The following IGFBP7 variants were observed in gnomAD, a reference collection of about 807,000 sequenced individuals.
The protein encoded by IGFBP7 is insulin like growth factor binding protein 7, also known as insulin-like growth factor-binding protein 7.
A neutral mutation model predicts 29.4 loss-of-function variants in IGFBP7; 31 were observed. That is an observed-to-expected ratio of 1.05 (90% CI 0.79 to 1.42). The LOEUF (loss-of-function observed/expected upper bound fraction) is 1.42, where lower values mean the gene tolerates loss of function less well. Among genes scored for constraint, IGFBP7 ranks in the 40% most tolerant of loss-of-function variants. IGFBP7 has a pLI of 0.00. For missense variants in IGFBP7, 393 were observed against 395.5 expected (o/e 0.99, Z 0.05); for synonymous variants, 172 against 174.9 (o/e 0.98, Z 0.13).
chr4:57,032,316 A>G, intron 4 of IGFBP7, 110 bp downstream of exon 4: 1 of 1,499,176 alleles, frequency 6.7e-7, no homozygotes, highest in Non-Finnish European at 8.9e-7. Context: ...ATGGGTTGCT[A>G]ACTACAGAAT....
At chr4:57,088,482 C>A (rs1725551317) in intron 1 of IGFBP7, among the ~76,000 whole-genome samples, 1 of 152,134 alleles carries the variant, frequency 6.6e-6, no homozygotes, top group Admixed American at 6.5e-5. Context: ...CTGCTTCTAC[C>A]CTTCATCCCA....
chr4:57,105,160 A>T (rs1290905204), intron 1 of IGFBP7, among the ~76,000 whole-genome samples: 1 of 152,178 alleles, frequency 6.6e-6, no homozygotes, highest in Non-Finnish European at 1.5e-5. Flanking sequence ...CCCTTTGCTG[A>T]AATCCTCCCA....
In IGFBP7 at chr4:57,054,637, CACAAAAAAAAAA is replaced by C. The variant is rs1427484457; in HGVS notation, c.476-13716_476-13705del. ...CTGGCGACAGAGCGAGGCTCTCTCT[CACAAAAAAAAAA>C]AAAAAAAAAAAAAAAAGAAGAAGAA... is the stretch of plus-strand genomic sequence containing the variant. On this transcript the variant is annotated intron_variant, in intron 1 of 4. Transcript: ENST00000295666. Among the ~76,000 whole-genome samples the C allele has an allele frequency of 1.2e-3, 148 of 125,852 alleles. 2 individuals carry two copies. Among genetic ancestry groups the C allele is most frequent in the African/African-American group, 1.7e-3 (56 of 32,278 alleles). 82.6% of individuals were successfully genotyped at this position (125,852 alleles called of 152,430 possible). A position where few individuals can be genotyped will look rare whatever the true frequency, so the allele number is the denominator to read the frequency against.
At position 57,096,613 on chromosome 4, in the gene IGFBP7, T is replaced by C. The variant is rs771129466; in HGVS notation, c.475+13264A>G. Among the ~76,000 whole-genome samples the C allele has an allele frequency of 5.3e-5, 8 of 152,110 alleles. No individual in the cohort carries two copies. The East Asian group carries it at 7.7e-4, about 15-fold the overall frequency. The stretch of plus-strand genomic sequence containing the variant: ...TTAGAAGGTGATAGAGTGCATAGTA[T>C]ATGGTGAGTCAGTAGTCCCAATGTT... On this transcript the variant is annotated intron_variant, in intron 1 of 4. Coordinates refer to ENST00000295666, the MANE Select transcript of IGFBP7 (RefSeq NM_001553.3).
intron 2 of IGFBP7, among the ~76,000 whole-genome samples, chr4:57,034,342 A>G (rs888260103): frequency 1.1e-4 from 17 of 152,092 alleles, no homozygotes; most frequent in African/African-American, 3.6e-4. Flanking sequence ...GCCTTGTGAT[A>G]ATGGTGAGTT....
chr4:57,061,500 T>C (rs1401520162), intron 1 of IGFBP7, among the ~76,000 whole-genome samples: 1 of 152,166 alleles, frequency 6.6e-6, no homozygotes, highest in African/African-American at 2.4e-5. Context: ...AGCACTGTGA[T>C]ACCATGACAG....
At chr4:57,037,102 G>A (rs6841086) in intron 2 of IGFBP7, among the ~76,000 whole-genome samples, 63,495 of 151,952 alleles carry the variant, frequency 0.42, 13,597 homozygotes, top group East Asian at 0.47. Context: ...CCTTAACATA[G>A]GTTCTGTTCT....
Position 57,109,908 on chromosome 4 carries a change from G to A in IGFBP7, c.444C>T (p.Ile148=). The change falls in exon 1 of 5, where the codon ATC becomes ATT. Residue 148 remains isoleucine, a synonymous_variant. Transcript: ENST00000295666. ...CGCAGGTGCCCTTGCTGACCTGGGT[G>A]ATGGCCTTCTCCCCGCGGCTCTCGG... ...QRAESRGEKA[I]TQVSKGTCEQ... 6.4e-7 allele frequency: 1 copy of A among 1,556,406 alleles called. No individual in the cohort carries two copies. Among genetic ancestry groups the A allele is most frequent in the Non-Finnish European group, 8.6e-7 (1 of 1,157,464 alleles).
chr4:57,073,131 G>T, intron 1 of IGFBP7: 1 of 1,595,646 alleles, frequency 6.3e-7, no homozygotes, highest in South Asian at 1.1e-5. Context: ...CAGGAGCCCT[G>T]ACCCAGGCTG....
intron 1 of IGFBP7, among the ~76,000 whole-genome samples, chr4:57,092,297 T>TA (rs532156294): frequency 2.9e-3 from 439 of 152,226 alleles, no homozygotes; most frequent in African/African-American, 0.01. Context: ...AAATTGAACT[T>TA]AAAAAAAGAA....
intron 1 of IGFBP7, among the ~76,000 whole-genome samples, chr4:57,101,828 T>A (rs181707556): frequency 2.6e-5 from 4 of 152,086 alleles, no homozygotes; most frequent in Non-Finnish European, 1.5e-5. Context: ...ACATTTCTAG[T>A]CCTCCACTGC....
intron 1 of IGFBP7, among the ~76,000 whole-genome samples, chr4:57,089,861 T>G (rs914694013): frequency 5.3e-5 from 8 of 152,218 alleles, no homozygotes; most frequent in African/African-American, 1.9e-4. Flanking sequence ...TGTCCTTTTC[T>G]CTATTCCTTC....
Position 57,030,844 on chromosome 4 carries a change from A to C in IGFBP7, c.*473T>G. ...ATCTTTGTCTTTTTCTGGGGTAGAG[A>C]AGTGGGGTCACTTCAATACAATTCT... On this transcript the variant is annotated 3_prime_UTR_variant, in exon 5 of 5. Transcript: ENST00000295666. 1 of 966,200 alleles carries C rather than the reference A, an allele frequency of 1.0e-6. No individual in the cohort carries two copies. Among genetic ancestry groups the C allele is most frequent in the East Asian group, 2.4e-5 (1 of 41,978 alleles). 59.9% of individuals were successfully genotyped at this position (966,200 alleles called of 1,614,324 possible). A position where few individuals can be genotyped will look rare whatever the true frequency, so the allele number is the denominator to read the frequency against.
chr4:57,097,428 C>G (rs1725787676), intron 1 of IGFBP7, among the ~76,000 whole-genome samples: 1 of 152,122 alleles, frequency 6.6e-6, no homozygotes, highest in Admixed American at 6.6e-5. Context: ...AGAAAACTAC[C>G]CTGTTATTTT....
chr4:57,109,414 G>C (rs1227571537), intron 1 of IGFBP7, among the ~76,000 whole-genome samples: 1 of 151,966 alleles, frequency 6.6e-6, no homozygotes, highest in African/African-American at 2.4e-5. Context: ...CTGGGCGACA[G>C]AGCAAGATCC....
At chr4:57,035,317 TTAA>T (rs1393599657) in intron 2 of IGFBP7, among the ~76,000 whole-genome samples, 1 of 152,232 alleles carries the variant, frequency 6.6e-6, no homozygotes, top group Non-Finnish European at 1.5e-5. Context: ...CGTATTTTAA[TTAA>T]TGTTACGTAA....
chr4:57,036,046 G>T (rs1414883417), intron 2 of IGFBP7, among the ~76,000 whole-genome samples: 2 of 152,136 alleles, frequency 1.3e-5, no homozygotes, highest in Admixed American at 6.5e-5. Flanking sequence ...ACAAAAATTT[G>T]GAAACAACAG....
intron 1 of IGFBP7, among the ~76,000 whole-genome samples, chr4:57,045,299 G>A (rs1178132311): frequency 6.6e-6 from 1 of 152,138 alleles, no homozygotes; most frequent in African/African-American, 2.4e-5. Context: ...GCAGAGGAGG[G>A]GCTGTTAGGA....
intron 1 of IGFBP7, among the ~76,000 whole-genome samples, chr4:57,078,944 C>G (rs1484743708): frequency 1.3e-5 from 2 of 152,192 alleles, no homozygotes; most frequent in Admixed American, 6.5e-5. Flanking sequence ...AGCTGGCTCC[C>G]GTCCACAGGG....
Sources: gnomAD v4.1 joint callset for allele counts (sites outside exome capture counted in the v4.1 genomes callset) on GRCh38, gnomAD v4.1.1 for gene constraint, MANE v1.5 for transcripts, NCBI Gene and HGNC (gene_info 2026-07-23, HGNC 2026-07-21) for gene names.